Variants in USP45 observed in about 807,000 individuals in gnomAD.
The protein encoded by USP45 is ubiquitin specific peptidase 45.
Under a neutral mutation model 95.8 loss-of-function variants are expected in USP45, and 89 were observed. The ratio of observed to expected loss-of-function variants is 0.93; its 90% CI spans 0.78 to 1.11. The LOEUF is 1.11. USP45 is among the 50% of genes least tolerant of loss of function. The pLI is 0.00. For synonymous variants in USP45, 281 were observed against 316.2 expected, an observed-to-expected ratio of 0.89 and a Z score of 1.18; for missense variants, 898 against 942.5, an observed-to-expected ratio of 0.95 and a Z score of 0.62.
chr6:99,503,285 C>T lies in USP45; in HGVS notation c.478+480G>A, dbSNP rs537204363. ...CAGTTTCTCAAATTGGTTATATAAA[C>T]GTATAACAAGGTGGCCACCTAAGAA... On this transcript the variant is annotated intron_variant, in intron 5 of 17. Coordinates refer to ENST00000500704, the MANE Select transcript of USP45 (RefSeq NM_001346022.3). Among the ~76,000 whole-genome samples, 13 of 151,896 alleles carry T rather than the reference C, an allele frequency of 8.6e-5. No homozygotes were observed. In the South Asian group the frequency reaches 2.1e-3, roughly 24 times the overall value.
intron 15 of USP45, among the ~76,000 whole-genome samples, chr6:99,441,154 C>T (rs1007854510): frequency 7.9e-5 from 3 of 37,926 alleles, no homozygotes; most frequent in Non-Finnish European, 1.6e-4. Flanking sequence ...GAGTGGGGCA[C>T]ACACAAATTT....
intron 15 of USP45, among the ~76,000 whole-genome samples, chr6:99,441,933 G>C (rs1397876394): frequency 6.6e-6 from 1 of 152,088 alleles, no homozygotes; most frequent in East Asian, 1.9e-4. Flanking sequence ...TAAGTGTTGT[G>C]GATGTTTCTG....
Position 99,488,213 on chromosome 6 carries a change from G to C in USP45, c.701C>G (p.Ser234Ter), listed in dbSNP as rs202005346. The C allele has an allele frequency of 6.7e-4, 1,075 of 1,609,516 alleles. 22 individuals carry two copies. The South Asian group carries it at 0.011, about 17-fold the overall frequency. Residue 234 changes from serine to a stop codon, truncating the protein, a stop_gained, in exon 7 of 18, where the codon TCA becomes TGA. Transcript: ENST00000500704. LOFTEE classifies it high-confidence loss of function. The stretch of plus-strand genomic sequence containing the variant: ...GTTATTACTCACCAGCTGAGAGTCT[G>C]AGGAAGGAAAAATCTTGAGTTTTGT... ...SSTKLKIFPS[S>*]DSQLDPLVVE...
rs180795843 is a variant in USP45, at chr6:99,504,055, G to C, written c.378-190C>G. On this transcript the variant is annotated intron_variant, in intron 4 of 17. Transcript: ENST00000500704. ...TCATACAGAGACTTACAGTTGAAAT[G>C]AAAGTTTTGGCAGTTTATCTTAGGT... is the stretch of plus-strand genomic sequence containing the variant. 1.5e-3 allele frequency among the ~76,000 whole-genome samples: 228 copies of C among 152,342 alleles called. 1 individual carries two copies. Among genetic ancestry groups the C allele is most frequent in the Non-Finnish European group, 5.1e-4 (35 of 68,034 alleles).
At chr6:99,439,250 A>G (rs1349515488) in intron 16 of USP45, among the ~76,000 whole-genome samples, 1 of 152,218 alleles carries the variant, frequency 6.6e-6, no homozygotes, top group African/African-American at 2.4e-5. Context: ...CAATTCTTAC[A>G]TGTAAAATAA....
upstream of USP45, among the ~76,000 whole-genome samples, chr6:99,516,146 GT>G (rs1243415439): frequency 6.6e-6 from 1 of 151,960 alleles, no homozygotes; most frequent in South Asian, 2.1e-4. Flanking sequence ...TATTATTGTG[GT>G]TTTTCCCCCA....
At chr6:99,465,181 T>C (rs757638982) in intron 11 of USP45, 45 bp from the exon 12 acceptor site, 3 of 1,495,272 alleles carry the variant, frequency 2.0e-6, no homozygotes, top group Middle Eastern at 3.5e-4. Flanking sequence ...AATTCTAATA[T>C]AAACATACAG....
rs111299243 is a variant in USP45, at chr6:99,439,862, A to G, written c.2074-7T>C. ...TACGAAGACTCAAGCCAGCCTTAAA[A>G]AGACCAAAACATTTTTGAAATGCAA... On this transcript the variant is annotated splice_region_variant and splice_polypyrimidine_tract_variant and intron_variant, in intron 15 of 17. Transcript: ENST00000500704. 37 of 1,591,096 alleles carry G rather than the reference A, an allele frequency of 2.3e-5. No homozygotes were observed. In the African/African-American group the frequency reaches 2.6e-4, roughly 11 times the overall value.
Position 99,439,851 on chromosome 6 carries a change from C to T in USP45, c.2078G>A (p.Gly693Asp). The T allele has an allele frequency of 6.2e-7, 1 of 1,602,924 alleles. No homozygotes were observed. Among genetic ancestry groups the T allele is most frequent in the African/African-American group, 1.3e-5 (1 of 74,668 alleles). Residue 693 changes from glycine (G) to aspartate (D), a missense_variant, in exon 16 of 18, where the codon GGC (glycine) becomes GAC (aspartate). Coordinates refer to ENST00000500704, the MANE Select transcript of USP45 (RefSeq NM_001346022.3). ...ILHLKRFHQA[G>D]LSLRKVNRHV... ...TCTGTTTACTTTACGAAGACTCAAG[C>T]CAGCCTTAAAAAGACCAAAACATTT...
chr6:99,502,489 T>A (rs1797602481), intron 5 of USP45, among the ~76,000 whole-genome samples: 1 of 152,202 alleles, frequency 6.6e-6, no homozygotes, highest in African/African-American at 2.4e-5. Context: ...TAGTTTCTGA[T>A]GTGAGGGCAG....
intron 13 of USP45, among the ~76,000 whole-genome samples, chr6:99,456,775 T>C (rs1432385316): frequency 6.6e-6 from 1 of 151,958 alleles, no homozygotes; most frequent in Non-Finnish European, 1.5e-5. Flanking sequence ...TCTGGGCACC[T>C]TGAAAAAAGA....
At chr6:99,501,817 G>T in intron 5 of USP45, 1 of 878,306 alleles carries the variant, frequency 1.1e-6, no homozygotes, top group Non-Finnish European at 1.5e-6. Flanking sequence ...TATAATAAAG[G>T]ATCTGGCTGG....
At position 99,446,056 on chromosome 6, in the gene USP45, T is replaced by C; in HGVS notation, c.1716A>G (p.Gln572=). Residue 572 remains glutamine, a synonymous_variant, in exon 14 of 18, where the codon CAA becomes CAG. Transcript: ENST00000500704. ...LRLSSTVTGD[Q]DFDRENQPLN... is the part of the protein sequence containing the mutation. ...GTGGCTGATTTTCTCTGTCAAAATC[T>C]TGATCTCCAGTTACAGTGCTGCTCA... The C allele has an allele frequency of 6.2e-7, 1 of 1,614,108 alleles. No individual in the cohort carries two copies. The highest frequency in any genetic ancestry group is 8.5e-7 in the Non-Finnish European group (1 of 1,180,034).
At chr6:99,451,717 T>G (rs201486561) in intron 13 of USP45, among the ~76,000 whole-genome samples, 1 of 152,104 alleles carries the variant, frequency 6.6e-6, no homozygotes, top group African/African-American at 2.4e-5. Flanking sequence ...AGCCTGCATT[T>G]CCAAGACAAT....
At chr6:99,505,993 C>T (rs1562449538) in intron 4 of USP45, among the ~76,000 whole-genome samples, 1 of 152,286 alleles carries the variant, frequency 6.6e-6, no homozygotes, top group South Asian at 2.1e-4. Flanking sequence ...ATATTAAGTT[C>T]CCTCTGTTCT....
At chr6:99,468,215 GATACAATATGATAC>G (rs1470173520) in intron 10 of USP45, 1 of 467,008 alleles carries the variant, frequency 2.1e-6, no homozygotes, top group South Asian at 1.6e-5. Context: ...CATGTCAAAT[GATACAATATGATAC>G]ATATGAACTT....
At chr6:99,491,169 T>G (rs12717185) in intron 5 of USP45, among the ~76,000 whole-genome samples, 31,681 of 152,058 alleles carry the variant, frequency 0.21, 3,595 homozygotes, top group East Asian at 0.42. Flanking sequence ...ACACTAGAGC[T>G]TGGGGGCAAA....
intron 10 of USP45, among the ~76,000 whole-genome samples, chr6:99,467,772 A>G (rs1245600783): frequency 1.3e-5 from 2 of 152,022 alleles, no homozygotes; most frequent in Non-Finnish European, 2.9e-5. Flanking sequence ...AAAATCTTGA[A>G]CCCTTAATTA....
chr6:99,439,689 A>G, intron 16 of USP45, 80 bp downstream of exon 16: 2 of 1,030,846 alleles, frequency 1.9e-6, no homozygotes, highest in Non-Finnish European at 2.6e-6. Context: ...TTTTTTTAGA[A>G]AAAGCATTGT....
Sources: gnomAD v4.1 joint callset for allele counts (sites outside exome capture counted in the v4.1 genomes callset) on GRCh38, gnomAD v4.1.1 for gene constraint, MANE v1.5 for transcripts, NCBI Gene and HGNC (gene_info 2026-07-23, HGNC 2026-07-21) for gene names.